Variants in KIR2DL1 observed in about 807,000 individuals in gnomAD.
KIR2DL1 encodes killer cell immunoglobulin like receptor, two Ig domains and long cytoplasmic tail 1.
In KIR2DL1, 38 loss-of-function variants were observed where a neutral mutation model predicts 33.9. The ratio of observed to expected loss-of-function variants is 1.12; its 90% CI spans 0.86 to 1.47. KIR2DL1 has a LOEUF of 1.47. Ranked by LOEUF, KIR2DL1 falls within the 40% of genes most tolerant of loss-of-function variation. The pLI is 0.00. For synonymous variants in KIR2DL1, 179 were observed against 165.9 expected (o/e 1.08, Z -0.61); for missense variants, 531 against 433.9 (o/e 1.22, Z -1.99).
rs1255855507 is a variant in KIR2DL1, at chr19:54,769,793, A to G, written c.-58A>G. ...CTGCATGGGCAGGGCGCCAAATAAC[A>G]TCCTGTGCGCTGCTGAGCTGAGCTC... On this transcript the variant is annotated 5_prime_UTR_variant, in exon 1 of 8. Coordinates refer to ENST00000336077, the MANE Select transcript of KIR2DL1 (RefSeq NM_014218.3). The G allele has an allele frequency of 6.5e-6, 10 of 1,547,190 alleles. No individual in the cohort carries two copies. The highest frequency in any genetic ancestry group is 1.4e-5 in the African/African-American group (1 of 72,992).
chr19:54,781,901 C>T (rs2076999798), intron 5 of KIR2DL1, among the ~76,000 whole-genome samples: 1 of 152,122 alleles, frequency 6.6e-6, no homozygotes, highest in Non-Finnish European at 1.5e-5. Context: ...GTCCAGTCTT[C>T]CCAGAGAAGA....
intron 1 of KIR2DL1, among the ~76,000 whole-genome samples, chr19:54,770,631 C>G (rs369869858): frequency 6.8e-6 from 1 of 147,706 alleles, no homozygotes; most frequent in South Asian, 2.1e-4. Flanking sequence ...GAGATATGGG[C>G]CTGGAGTGGA....
chr19:54,776,449 T>C (rs1244351374), intron 4 of KIR2DL1, among the ~76,000 whole-genome samples: 3 of 146,254 alleles, frequency 2.1e-5, no homozygotes, highest in Non-Finnish European at 4.6e-5. Flanking sequence ...GTCTCCACTG[T>C]GCGTATGTAC....
At chr19:54,776,550 G>A (rs1312003098) in intron 4 of KIR2DL1, among the ~76,000 whole-genome samples, 1 of 146,554 alleles carries the variant, frequency 6.8e-6, no homozygotes. Flanking sequence ...AATCATACGA[G>A]TGCAGATATC....
chr19:54,770,484 A>G (rs1423570943), intron 1 of KIR2DL1, among the ~76,000 whole-genome samples: 1 of 138,040 alleles, frequency 7.2e-6, no homozygotes, highest in African/African-American at 2.7e-5. Context: ...ATGGGACTGG[A>G]GAGGAGATAT....
chr19:54,783,126 C>T, intron 6 of KIR2DL1, 103 bp downstream of exon 6: 1 of 1,354,574 alleles, frequency 7.4e-7, no homozygotes, highest in Non-Finnish European at 1.0e-6. Flanking sequence ...GTCCCTGGCC[C>T]AAGGCAGCAG....
chr19:54,771,896 C>G (rs912316320), intron 2 of KIR2DL1, among the ~76,000 whole-genome samples: 1 of 147,638 alleles, frequency 6.8e-6, no homozygotes, highest in Non-Finnish European at 1.5e-5. Context: ...GGTCACAGGT[C>G]AGAGGGCTCC....
chr19:54,774,910 A>G (rs1251422864), intron 3 of KIR2DL1, among the ~76,000 whole-genome samples: 1 of 148,608 alleles, frequency 6.7e-6, no homozygotes, highest in Non-Finnish European at 1.5e-5. Flanking sequence ...AAGTCAACCA[A>G]TCCAAGGAGA....
chr19:54,777,838 G>C (rs1436095945), intron 4 of KIR2DL1, among the ~76,000 whole-genome samples: 1 of 148,268 alleles, frequency 6.7e-6, no homozygotes, highest in African/African-American at 2.5e-5. Flanking sequence ...ATTTTCATTT[G>C]ATTTTTGTGT....
At chr19:54,777,879 C>T (rs1224910951) in intron 4 of KIR2DL1, among the ~76,000 whole-genome samples, 2 of 147,674 alleles carry the variant, frequency 1.4e-5, no homozygotes, top group African/African-American at 5.0e-5. Context: ...AGTTTCATTC[C>T]TCTGCATGTA....
In KIR2DL1 at chr19:54,783,760, T is replaced by G. The variant is rs746989798; in HGVS notation, c.994T>G (p.Tyr332Asp). The G allele has an allele frequency of 1.2e-6, 2 of 1,614,046 alleles. No homozygotes were observed. Among genetic ancestry groups the G allele is most frequent in the South Asian group, 2.2e-5 (2 of 91,072 alleles). ...PKTPPTDIIVYTELPNAESRS... is the reference protein window; with the variant it reads ...PKTPPTDIIVDTELPNAESRS... ...GACACCCCCAACAGATATCATCGTG[T>G]ACACGGAACTTCCAAATGCTGAGTC... The change falls in exon 8 of 8, where the codon TAC (tyrosine) becomes GAC (aspartate). Residue 332 changes from tyrosine (Y) to aspartate (D), a missense_variant. Transcript: ENST00000336077.
At chr19:54,779,190 G>A (rs1260051687) in intron 5 of KIR2DL1, among the ~76,000 whole-genome samples, 1 of 147,576 alleles carries the variant, frequency 6.8e-6, no homozygotes. Flanking sequence ...GTGCAGTGTG[G>A]AACCTTTTCC....
rs1452966056 is a variant in KIR2DL1 at position 54,773,585 on chromosome 19, C to G, written c.323C>G (p.Pro108Arg). The G allele has an allele frequency of 1.3e-6, 2 of 1,580,354 alleles. No homozygotes were observed. The highest frequency in any genetic ancestry group is 2.7e-5 in the African/African-American group (2 of 73,962). The change falls in exon 3 of 8, where the codon CCC (proline) becomes CGC (arginine). Residue 108 changes from proline (P) to arginine (R), a missense_variant. By Grantham distance (103) the Pro-to-Arg change is moderately radical. Coordinates refer to ENST00000336077, the MANE Select transcript of KIR2DL1 (RefSeq NM_014218.3). ...TGCTACGGTTCTGTTACTCACTCCC[C>G]CTATCAGGTGTCAGCTCCCAGTGAC... ...YRCYGSVTHS[P>R]YQVSAPSDPL...
rs373016441 is a variant in KIR2DL1, at chr19:54,770,306, C to A, written c.34+422C>A. Reference sequence around the variant, plus strand: ...ATGGGCCAGGAGTGGAGATATGGGCCTAGAGGTCGATATCTGGGCCTGGAG... The same window carrying A: ...ATGGGCCAGGAGTGGAGATATGGGCATAGAGGTCGATATCTGGGCCTGGAG... On this transcript the variant is annotated intron_variant, in intron 1 of 7. Coordinates refer to ENST00000336077, the MANE Select transcript of KIR2DL1 (RefSeq NM_014218.3). Among the ~76,000 whole-genome samples, 50 of 142,092 alleles carry A rather than the reference C, an allele frequency of 3.5e-4. 2 individuals are homozygous for A. In the South Asian group the frequency reaches 0.011, roughly 32 times the overall value. The allele number at this position is 142,092 out of a possible 152,430, so 93.2% of individuals were successfully genotyped here. A position where few individuals can be genotyped will look rare whatever the true frequency, so the allele number is the denominator to read the frequency against.
At chr19:54,781,774 C>A (rs1353718809) in intron 5 of KIR2DL1, among the ~76,000 whole-genome samples, 2 of 152,106 alleles carry the variant, frequency 1.3e-5, no homozygotes, top group Admixed American at 6.5e-5. Flanking sequence ...AATTCTATTT[C>A]GCTTTTTTTA....
rs1269368514 is a variant in KIR2DL1 at position 54,783,808 on chromosome 19, C to T, written c.1042C>T (p.Pro348Ser). 9.9e-6 allele frequency: 16 copies of T among 1,613,868 alleles called. No individual in the cohort carries two copies. The highest frequency in any genetic ancestry group is 1.3e-5 in the African/African-American group (1 of 74,890). Residue 348 changes from proline to serine, a missense_variant, in exon 8 of 8, where the codon CCA becomes TCA. Coordinates refer to ENST00000336077, the MANE Select transcript of KIR2DL1 (RefSeq NM_014218.3). ...AESRSKVVSC[P>S] is the part of the protein sequence containing the mutation. ...GTCCAGATCCAAAGTTGTCTCCTGC[C>T]CATGAGCACCACAGTCAGGCCTTGA...
rs1358913073 is a variant in KIR2DL1, at chr19:54,781,661, C to A, written c.716-1261C>A. On this transcript the variant is annotated intron_variant, in intron 5 of 7. Coordinates refer to ENST00000336077, the MANE Select transcript of KIR2DL1 (RefSeq NM_014218.3). The stretch of plus-strand genomic sequence containing the variant: ...CCGAGGGGGTGGTCCTTCCCCCAGC[C>A]TCTCGGGTAGAACAGCAGCCTAATA... Among the ~76,000 whole-genome samples the A allele has an allele frequency of 7.2e-5, 11 of 152,128 alleles. 1 individual carries two copies. In the East Asian group the frequency reaches 1.7e-3, roughly 24 times the overall value.
At chr19:54,776,005 C>T (rs1281710554) in intron 4 of KIR2DL1, among the ~76,000 whole-genome samples, 1 of 146,504 alleles carries the variant, frequency 6.8e-6, no homozygotes, top group Admixed American at 6.9e-5. Context: ...GATTCTCCTG[C>T]CTCAGCCACC....
chr19:54,771,290 C>T (rs1600697482), intron 2 of KIR2DL1, among the ~76,000 whole-genome samples: 2 of 148,428 alleles, frequency 1.3e-5, no homozygotes, highest in African/African-American at 4.9e-5. Flanking sequence ...TGTTTATTTT[C>T]GTTCAGGCAT....
Sources: gnomAD v4.1 joint callset for allele counts (sites outside exome capture counted in the v4.1 genomes callset) on GRCh38, gnomAD v4.1.1 for gene constraint, MANE v1.5 for transcripts, NCBI Gene and HGNC (gene_info 2026-07-23, HGNC 2026-07-21) for gene names.